The following TBC1D2B variants were observed in gnomAD, a reference collection of about 807,000 sequenced individuals.
The protein encoded by TBC1D2B is TBC1 domain family, member 2B.
Under a neutral mutation model 100.8 loss-of-function variants are expected in TBC1D2B, and 64 were observed. The observed-to-expected ratio is 0.64, with a 90% CI of 0.52 to 0.78. TBC1D2B has a LOEUF of 0.78. TBC1D2B is among the 30% of genes least tolerant of loss of function. The probability of loss-of-function intolerance (pLI) is 0.00; values close to 1 mark genes in which losing one functional copy is unlikely to be tolerated. For missense variants in TBC1D2B, 1,052 were observed against 1,218.4 expected (o/e 0.86, Z 2.03); for synonymous variants, 480 against 479.7 (o/e 1.00, Z -0.01).
Position 78,019,859 on chromosome 15 carries a change from A to C in TBC1D2B, c.1471-1902T>G, listed in dbSNP as rs1182490085. Reference sequence around the variant, plus strand: ...AGCCAAGATCATGCCACTGCACTCCAAACTGGGTGAAATAGTGAGACTCTG... The same window carrying C: ...AGCCAAGATCATGCCACTGCACTCCCAACTGGGTGAAATAGTGAGACTCTG... On this transcript the variant is annotated intron_variant, in intron 6 of 12. Coordinates refer to ENST00000300584, the MANE Select transcript of TBC1D2B (RefSeq NM_144572.2). Among the ~76,000 whole-genome samples the C allele has an allele frequency of 2.6e-5, 4 of 150,980 alleles. No individual in the cohort carries two copies. In the East Asian group the frequency reaches 7.9e-4, roughly 30 times the overall value.
chr15:78,042,067 C>A (rs183881762), intron 3 of TBC1D2B, among the ~76,000 whole-genome samples: 1 of 152,150 alleles, frequency 6.6e-6, no homozygotes, highest in Admixed American at 6.5e-5. Flanking sequence ...CTGTGTTACA[C>A]GGCAAAGGCA....
chr15:78,009,494 C>T lies in TBC1D2B; in HGVS notation c.2271-380G>A, dbSNP rs186627446. The stretch of plus-strand genomic sequence containing the variant: ...GGTGGAGGCTACAGTGAATGATAAT[C>T]GCACTACTGCACTCCAGCCTGTGCA... On this transcript the variant is annotated intron_variant, in intron 9 of 12. Transcript: ENST00000300584. 7.3e-5 allele frequency among the ~76,000 whole-genome samples: 11 copies of T among 151,546 alleles called. No individual in the cohort carries two copies. The East Asian group carries it at 2.2e-3, about 30-fold the overall frequency.
At chr15:78,061,953 C>G (rs58247186) in intron 1 of TBC1D2B, among the ~76,000 whole-genome samples, 13 of 152,090 alleles carry the variant, frequency 8.5e-5, no homozygotes, top group Non-Finnish European at 1.3e-4. Flanking sequence ...TTAGCTAAAA[C>G]TGAAGTATAA....
At chr15:78,049,215 A>G (rs901256418) in intron 2 of TBC1D2B, among the ~76,000 whole-genome samples, 1 of 152,178 alleles carries the variant, frequency 6.6e-6, no homozygotes, top group Non-Finnish European at 1.5e-5. Flanking sequence ...GGGCCAGTCC[A>G]TATGTCTGGT....
At chr15:78,021,445 A>T (rs2072513709) in intron 6 of TBC1D2B, among the ~76,000 whole-genome samples, 1 of 152,172 alleles carries the variant, frequency 6.6e-6, no homozygotes, top group Admixed American at 6.5e-5. Flanking sequence ...CACACACGAG[A>T]ACACCCACTT....
chr15:78,029,383 T>C (rs1273833543), intron 4 of TBC1D2B, among the ~76,000 whole-genome samples: 1 of 152,186 alleles, frequency 6.6e-6, no homozygotes, highest in Non-Finnish European at 1.5e-5. Flanking sequence ...AAAAGAGTCA[T>C]TATCTCTTAG....
At chr15:78,027,591 G>GT (rs1293537396) in intron 4 of TBC1D2B, among the ~76,000 whole-genome samples, 1 of 152,200 alleles carries the variant, frequency 6.6e-6, no homozygotes, top group African/African-American at 2.4e-5. Flanking sequence ...GGGATGAAGG[G>GT]TTAGGCAGAG....
At chr15:78,050,408 A>G (rs938023912) in intron 2 of TBC1D2B, among the ~76,000 whole-genome samples, 1 of 152,212 alleles carries the variant, frequency 6.6e-6, no homozygotes, top group African/African-American at 2.4e-5. Flanking sequence ...TGAACTTTCA[A>G]GAAGTTTTTT....
Position 78,013,251 on chromosome 15 carries a change from C to T in TBC1D2B, c.1842G>A (p.Lys614=). The T allele has an allele frequency of 6.2e-7, 1 of 1,613,978 alleles. No individual in the cohort carries two copies. The highest frequency in any genetic ancestry group is 8.5e-7 in the Non-Finnish European group (1 of 1,179,884). The change falls in exon 9 of 13, where the codon AAG becomes AAA. Residue 614 remains lysine (K), a synonymous_variant. Transcript: ENST00000300584. ...EDDEEEKLVA[K]VRALDLKTLY... The stretch of plus-strand genomic sequence containing the variant: ...GAGTCTTCAGATCCAACGCGCGGAC[C>T]TTGGCAACCAATTTCTCTTCCTCAT...
intron 3 of TBC1D2B, among the ~76,000 whole-genome samples, chr15:78,044,677 T>C (rs1295651389): frequency 6.6e-6 from 1 of 152,180 alleles, no homozygotes; most frequent in East Asian, 1.9e-4. Context: ...AGTTGAGCAA[T>C]TAAATTAAAC....
chr15:78,007,336 G>C (rs553214564), intron 10 of TBC1D2B, among the ~76,000 whole-genome samples: 1 of 152,214 alleles, frequency 6.6e-6, no homozygotes, highest in Non-Finnish European at 1.5e-5. Flanking sequence ...AGGAAGAAAG[G>C]AGAGAGGCAA....
At chr15:78,036,560 C>G (rs1423429872) in intron 3 of TBC1D2B, among the ~76,000 whole-genome samples, 1 of 152,154 alleles carries the variant, frequency 6.6e-6, no homozygotes, top group African/African-American at 2.4e-5. Flanking sequence ...TAGAGCAAGG[C>G]AGCCACAGGC....
In TBC1D2B at chr15:78,020,214, C is replaced by T. The variant is rs547461806; in HGVS notation, c.1471-2257G>A. Among the ~76,000 whole-genome samples, 230 of 152,226 alleles carry T rather than the reference C, an allele frequency of 1.5e-3. 1 individual carries two copies. Among genetic ancestry groups the T allele is most frequent in the Non-Finnish European group, 2.8e-3 (193 of 68,012 alleles). ...CTCATATTTGGAAACATTAAGCAAA[C>T]ATATTACTAAAAGGCAGGTCAGCCA... is the stretch of plus-strand genomic sequence containing the variant. On this transcript the variant is annotated intron_variant, in intron 6 of 12. Coordinates refer to ENST00000300584, the MANE Select transcript of TBC1D2B (RefSeq NM_144572.2).
rs182447603 is a variant in TBC1D2B, at chr15:78,071,259, T to A, written c.360+6034A>T. 1.1e-4 allele frequency among the ~76,000 whole-genome samples: 16 copies of A among 152,352 alleles called. No homozygotes were observed. The East Asian group carries it at 3.1e-3, about 29-fold the overall frequency. On this transcript the variant is annotated intron_variant, in intron 1 of 12. Coordinates refer to ENST00000300584, the MANE Select transcript of TBC1D2B (RefSeq NM_144572.2). ...CTGGGATTACAGGAGTGAGCCACTG[T>A]GCCCAGCTAACATTTTTAAATGGTT...
At chr15:78,034,725 G>C in intron 3 of TBC1D2B, 9 of 985,440 alleles carry the variant, frequency 9.1e-6, no homozygotes, top group Non-Finnish European at 1.1e-5. Flanking sequence ...GAGGTGCGGT[G>C]CTACTTGTCA....
chr15:78,031,572 AAAAG>A (rs2072814568), intron 3 of TBC1D2B, among the ~76,000 whole-genome samples: 2 of 150,468 alleles, frequency 1.3e-5, no homozygotes, highest in Admixed American at 6.6e-5. Context: ...AAAAAAAAAA[AAAAG>A]AGAGAGAGAG....
chr15:78,077,268 G>A, intron 1 of TBC1D2B, 25 bp downstream of exon 1: 2 of 1,409,452 alleles, frequency 1.4e-6, no homozygotes, highest in Non-Finnish European at 1.8e-6. Flanking sequence ...AAGCGCGCGG[G>A]CGGCTTTGGG....
intron 10 of TBC1D2B, among the ~76,000 whole-genome samples, chr15:78,008,291 G>A (rs1361138746): frequency 2.0e-5 from 3 of 152,228 alleles, no homozygotes; most frequent in Non-Finnish European, 4.4e-5. Flanking sequence ...TGGATGGCAT[G>A]AAATGCGCCA....
At chr15:78,040,672 AAAAG>A (rs2073057234) in intron 3 of TBC1D2B, among the ~76,000 whole-genome samples, 17 of 142,640 alleles carry the variant, frequency 1.2e-4, no homozygotes, top group Non-Finnish European at 3.1e-5. Flanking sequence ...AAGAGAAAGA[AAAAG>A]AAAAGAAAGA....
Sources: allele counts gnomAD v4.1 joint callset (sites outside exome capture counted in the v4.1 genomes callset), GRCh38; gene constraint gnomAD v4.1.1; transcripts MANE v1.5; gene names NCBI Gene and HGNC (gene_info 2026-07-23, HGNC 2026-07-21).